TGFBR1: variants seen among roughly 807,000 people sequenced by gnomAD.
TGFBR1 encodes TGF-beta receptor type-1.
Under a neutral mutation model 55.1 loss-of-function variants are expected in TGFBR1, and 20 were observed. That is an observed-to-expected ratio of 0.36 (90% confidence interval 0.26 to 0.53). The LOEUF (loss-of-function observed/expected upper bound fraction) is 0.53, where lower values mean the gene tolerates loss of function less well. Ranked by LOEUF, TGFBR1 falls within the 20% of genes least tolerant of loss-of-function variation. TGFBR1 has a pLI of 0.91. For missense variants in TGFBR1, 385 were observed against 617.6 expected, an observed-to-expected ratio of 0.62 and a Z score of 3.99; for synonymous variants, 220 against 214.8, an observed-to-expected ratio of 1.02 and a Z score of -0.21.
At chr9:99,128,622 A>T (rs1564148046) in intron 1 of TGFBR1, 1 of 652,120 alleles carries the variant, frequency 1.5e-6, no homozygotes. Flanking sequence ...CTTCAGGAAA[A>T]AACCTGGGTC....
chr9:99,131,612 A>G (rs777798571), intron 2 of TGFBR1, among the ~76,000 whole-genome samples: 1 of 151,818 alleles, frequency 6.6e-6, no homozygotes, highest in Non-Finnish European at 1.5e-5. Context: ...GATAGTATAA[A>G]AAGTATATAT....
intron 8 of TGFBR1, among the ~76,000 whole-genome samples, chr9:99,148,728 A>T (rs963611823): frequency 6.6e-6 from 1 of 152,034 alleles, no homozygotes; most frequent in African/African-American, 2.4e-5. Flanking sequence ...TCTACTTGGG[A>T]GGCTGAAGTG....
At chr9:99,131,847 A>G (rs1827236037) in intron 2 of TGFBR1, among the ~76,000 whole-genome samples, 1 of 152,064 alleles carries the variant, frequency 6.6e-6, no homozygotes, top group Admixed American at 6.6e-5. Context: ...ACATGCCTGT[A>G]ATCCCAGCTA....
chr9:99,144,945 C>A, intron 6 of TGFBR1, 57 bp downstream of exon 6: 1 of 1,576,846 alleles, frequency 6.3e-7, no homozygotes, highest in East Asian at 2.3e-5. Context: ...TTTCCCTTCT[C>A]TTTCATATAT....
At chr9:99,116,331 A>G (rs1207857472) in intron 1 of TGFBR1, among the ~76,000 whole-genome samples, 1 of 152,210 alleles carries the variant, frequency 6.6e-6, no homozygotes, top group African/African-American at 2.4e-5. Context: ...TCTTAAGGGA[A>G]AACTCTGCGA....
chr9:99,111,607 C>T (rs1826582824), intron 1 of TGFBR1, among the ~76,000 whole-genome samples: 2 of 151,826 alleles, frequency 1.3e-5, no homozygotes, highest in African/African-American at 4.8e-5. Flanking sequence ...CCAGCCCGGG[C>T]GACAGAGTGA....
intron 8 of TGFBR1, among the ~76,000 whole-genome samples, chr9:99,148,184 C>G (rs1455984530): frequency 1.3e-5 from 2 of 152,168 alleles, no homozygotes; most frequent in African/African-American, 2.4e-5. Flanking sequence ...GTTCTCTGGA[C>G]TTTAATATCC....
At chr9:99,142,505 G>A in intron 4 of TGFBR1, 31 bp from the exon 5 acceptor site, 1 of 1,613,654 alleles carries the variant, frequency 6.2e-7, no homozygotes, top group Non-Finnish European at 8.5e-7. Context: ...ATGGTCTGCA[G>A]CCCAACCGAA....
chr9:99,116,947 A>G (rs1588565244), intron 1 of TGFBR1, among the ~76,000 whole-genome samples: 1 of 152,234 alleles, frequency 6.6e-6, no homozygotes, highest in Non-Finnish European at 1.5e-5. Context: ...ATATTATAAA[A>G]ATGCAAATAT....
At chr9:99,143,135 T>G (rs1827678099) in intron 5 of TGFBR1, among the ~76,000 whole-genome samples, 1 of 152,206 alleles carries the variant, frequency 6.6e-6, no homozygotes, top group South Asian at 2.1e-4. Context: ...ATGAGAACAT[T>G]TTATCTTTCA....
intron 1 of TGFBR1, among the ~76,000 whole-genome samples, chr9:99,118,397 A>C (rs1826808208): frequency 6.6e-6 from 1 of 152,194 alleles, no homozygotes; most frequent in South Asian, 2.1e-4. Context: ...TTGTGATTTC[A>C]AGGGAAAATG....
chr9:99,121,844 C>G (rs1826906820), intron 1 of TGFBR1, among the ~76,000 whole-genome samples: 1 of 151,848 alleles, frequency 6.6e-6, no homozygotes, highest in Admixed American at 6.6e-5. Context: ...GATTACAACA[C>G]TCTGCTTGAC....
intron 1 of TGFBR1, among the ~76,000 whole-genome samples, chr9:99,114,000 T>C (rs1394289629): frequency 2.0e-5 from 3 of 152,200 alleles, no homozygotes; most frequent in Admixed American, 6.5e-5. Flanking sequence ...ATTCTGTACT[T>C]TTGGGCATAA....
chr9:99,150,780 C>T lies in TGFBR1; in HGVS notation c.*1475C>T, dbSNP rs969557348. On this transcript the variant is annotated 3_prime_UTR_variant, in exon 9 of 9. Coordinates refer to ENST00000374994, the MANE Select transcript of TGFBR1 (RefSeq NM_004612.4). ...CTGAGTATAGGTTTTTCTCCATTTA[C>T]AGATGTCTTTGGTCAAATATTGAAA... is the stretch of plus-strand genomic sequence containing the variant. 1.4e-5 allele frequency: 3 copies of T among 217,012 alleles called. No individual in the cohort carries two copies. The highest frequency in any genetic ancestry group is 6.7e-5 in the African/African-American group (3 of 44,474). The allele number at this position is 217,012 out of a possible 1,614,324, so 13.4% of individuals were successfully genotyped here.
chr9:99,123,646 A>T (rs1826957271), intron 1 of TGFBR1, among the ~76,000 whole-genome samples: 1 of 152,144 alleles, frequency 6.6e-6, no homozygotes, highest in South Asian at 2.1e-4. Context: ...TTTTCTTTTT[A>T]AAATTTTTAA....
chr9:99,122,166 G>C (rs1826915187), intron 1 of TGFBR1, among the ~76,000 whole-genome samples: 1 of 152,050 alleles, frequency 6.6e-6, no homozygotes, highest in African/African-American at 2.4e-5. Context: ...AGGCTGGAGA[G>C]GGCCAGTAAC....
chr9:99,134,637 T>C (rs924540320), intron 3 of TGFBR1, among the ~76,000 whole-genome samples: 4 of 151,546 alleles, frequency 2.6e-5, no homozygotes, highest in African/African-American at 4.9e-5. Flanking sequence ...TCTAAACTTA[T>C]ACTCCGGAAA....
chr9:99,123,178 A>G (rs940667083), intron 1 of TGFBR1, among the ~76,000 whole-genome samples: 23 of 152,090 alleles, frequency 1.5e-4, no homozygotes, highest in African/African-American at 5.1e-4. Flanking sequence ...AATCTTTTCT[A>G]TGTATAGCCA....
At chr9:99,116,378 CAG>C (rs1321605955) in intron 1 of TGFBR1, among the ~76,000 whole-genome samples, 1 of 152,172 alleles carries the variant, frequency 6.6e-6, no homozygotes, top group Non-Finnish European at 1.5e-5. Flanking sequence ...GCATTGCAAA[CAG>C]ATGGTGTGTC....
Sources: allele counts gnomAD v4.1 joint callset (sites outside exome capture counted in the v4.1 genomes callset), GRCh38; gene constraint gnomAD v4.1.1; transcripts MANE v1.5; gene names NCBI Gene and HGNC (gene_info 2026-07-23, HGNC 2026-07-21).